CYFIP2: variants seen among roughly 807,000 people sequenced by gnomAD.
CYFIP2 encodes the protein cytoplasmic FMR1-interacting protein 2.
CYFIP2 carries 29 observed loss-of-function variants against 158.7 expected under a neutral mutation model. The observed-to-expected ratio is 0.18, with a 90% CI of 0.14 to 0.25. The LOEUF is 0.25. CYFIP2 is among the 10% of genes least tolerant of loss of function. The pLI is 1.00. For synonymous variants in CYFIP2, 585 were observed against 617.6 expected (o/e 0.95, Z 0.78); for missense variants, 852 against 1,639.5 (o/e 0.52, Z 8.29).
At chr5:157,309,638 C>A in intron 9 of CYFIP2, 105 bp from the exon 10 acceptor site, 1 of 1,010,814 alleles carries the variant, frequency 9.9e-7, no homozygotes, top group Non-Finnish European at 1.5e-6. Flanking sequence ...AGGGGTCGGC[C>A]CCCAGGCACA....
At position 157,328,002 on chromosome 5, in the gene CYFIP2, C is replaced by T. The variant is rs1761162045; in HGVS notation, c.2109C>T (p.Tyr703=). 1 of 1,613,994 alleles carries T rather than the reference C, an allele frequency of 6.2e-7. No individual in the cohort carries two copies. Among genetic ancestry groups the T allele is most frequent in the African/African-American group, 1.3e-5 (1 of 75,056 alleles). ...ACCTGTGTTTTGATCAGTTTGTCTA[C>T]AAGCTGGCAGACCAGATCTTTGCTT... ...EVNLCFDQFV[Y]KLADQIFAYY... Residue 703 remains tyrosine, a synonymous_variant, in exon 19 of 31, where the codon TAC becomes TAT. Transcript: ENST00000620254.
In CYFIP2 at chr5:157,365,375, G is replaced by C. The variant is rs367773410; in HGVS notation, c.3039+3777G>C. 3.7e-4 allele frequency: 56 copies of C among 152,232 alleles called. No individual in the cohort carries two copies. The East Asian group carries it at 0.01, about 28-fold the overall frequency. The allele number at this position is 152,232 out of a possible 1,614,324, so 9.4% of individuals were successfully genotyped here. A position where few individuals can be genotyped will look rare whatever the true frequency, so the allele number is the denominator to read the frequency against. On this transcript the variant is annotated intron_variant, in intron 26 of 30. Transcript: ENST00000620254. ...AAAACAGATTAATATATCATTGATA[G>C]GTAGAGGGATATAAATTTAACAGTT...
intron 1 of CYFIP2, chr5:157,277,271 T>C (rs2113821697): frequency 6.6e-6 from 1 of 152,492 alleles, no homozygotes; most frequent in East Asian, 1.9e-4. Context: ...CCTCAGGAGA[T>C]CCGCCCATCT....
At chr5:157,279,447 A>C (rs932226195) in intron 1 of CYFIP2, among the ~76,000 whole-genome samples, 2 of 152,226 alleles carry the variant, frequency 1.3e-5, no homozygotes, top group African/African-American at 4.8e-5. Context: ...TAAGCTGTAA[A>C]TGTCAGAACC....
At chr5:157,345,933 C>A (rs891634122) in intron 23 of CYFIP2, among the ~76,000 whole-genome samples, 27 of 152,322 alleles carry the variant, frequency 1.8e-4, no homozygotes, top group African/African-American at 6.0e-4. Context: ...CCATCTAGAT[C>A]CTCTTTGGCC....
chr5:157,348,612 A>G (rs10065711), intron 23 of CYFIP2, among the ~76,000 whole-genome samples: 87 of 152,236 alleles, frequency 5.7e-4, no homozygotes, highest in African/African-American at 1.9e-3. Flanking sequence ...GAGTTTCACC[A>G]TGTTGGCCAG....
At chr5:157,276,284 T>C (rs1470170201) in intron 1 of CYFIP2, among the ~76,000 whole-genome samples, 1 of 152,224 alleles carries the variant, frequency 6.6e-6, no homozygotes, top group African/African-American at 2.4e-5. Context: ...TGGCCACTTA[T>C]TGTCAAGTTG....
At chr5:157,356,979 T>C (rs1763453481) in intron 23 of CYFIP2, among the ~76,000 whole-genome samples, 1 of 152,232 alleles carries the variant, frequency 6.6e-6, no homozygotes, top group South Asian at 2.1e-4. Context: ...TTTATCCCTA[T>C]GTAAGCTATT....
At chr5:157,304,156 C>T (rs1488158900) in intron 7 of CYFIP2, 82 bp from the exon 8 acceptor site, 1 of 1,499,714 alleles carries the variant, frequency 6.7e-7, no homozygotes, top group Non-Finnish European at 9.0e-7. Context: ...CCACACCGGC[C>T]AGCTGTAGGG....
At chr5:157,304,098 A>T in intron 7 of CYFIP2, 140 bp from the exon 8 acceptor site, 2 of 1,076,908 alleles carry the variant, frequency 1.9e-6, no homozygotes, top group Non-Finnish European at 2.6e-6. Flanking sequence ...GCCAGCTGGC[A>T]TGCAGCCTCG....
chr5:157,293,160 A>G (rs1174856878), intron 3 of CYFIP2, among the ~76,000 whole-genome samples: 1 of 152,052 alleles, frequency 6.6e-6, no homozygotes, highest in East Asian at 1.9e-4. Context: ...AGTTCATGCA[A>G]TTCTCCTGCC....
chr5:157,327,819 C>T, intron 18 of CYFIP2, 154 bp from the exon 19 acceptor site: 1 of 666,460 alleles, frequency 1.5e-6, no homozygotes, highest in South Asian at 1.9e-5. Flanking sequence ...ACCAAATCTC[C>T]CAAACTTAGC....
Position 157,361,565 on chromosome 5 carries a change from C to T in CYFIP2, c.3006C>T (p.Ala1002=), listed in dbSNP as rs150652041. The part of the protein sequence containing the change: ...VFQSLREVGN[A]ILFCLLIEQA... The stretch of plus-strand genomic sequence containing the variant: ...AGAGCCTGAGGGAAGTGGGCAATGC[C>T]ATCCTCTTCTGCCTCCTCATAGAGC... Residue 1002 remains alanine (A), a synonymous_variant, in exon 26 of 31, where the codon GCC becomes GCT. Transcript: ENST00000620254. This position sits in a 1 kb window ranked among gnomAD's most constrained non-coding sequence, Gnocchi z 4.4. The T allele has an allele frequency of 3.2e-4, 518 of 1,614,022 alleles. 1 individual carries two copies. The African/African-American group carries it at 5.3e-3, about 17-fold the overall frequency.
intron 3 of CYFIP2, among the ~76,000 whole-genome samples, chr5:157,293,835 C>G (rs1758032542): frequency 6.6e-6 from 1 of 151,946 alleles, no homozygotes; most frequent in Non-Finnish European, 1.5e-5. Flanking sequence ...GGAGGTTAGA[C>G]TTTTTCCAGG....
chr5:157,392,621 T>C (rs550036740), intron 30 of CYFIP2, among the ~76,000 whole-genome samples: 48 of 152,344 alleles, frequency 3.2e-4, no homozygotes, highest in African/African-American at 1.1e-3. Context: ...TTGATTATTG[T>C]AGCTCTGTAG....
intron 26 of CYFIP2, chr5:157,380,281 A>C (rs1163710001): frequency 6.6e-6 from 1 of 152,242 alleles, no homozygotes; most frequent in Non-Finnish European, 1.5e-5. Flanking sequence ...TCTTGTAGCT[A>C]ATTTGTTAGT....
chr5:157,356,835 A>G (rs1763445325), intron 23 of CYFIP2, among the ~76,000 whole-genome samples: 1 of 152,144 alleles, frequency 6.6e-6, no homozygotes, highest in Non-Finnish European at 1.5e-5. Flanking sequence ...AGGCACTCAA[A>G]TAGATTTGTT....
rs533211031 is a variant in CYFIP2 at position 157,311,092 on chromosome 5, C to T, written c.993-572C>T. On this transcript the variant is annotated intron_variant, in intron 10 of 30. Coordinates refer to ENST00000620254, the MANE Select transcript of CYFIP2 (RefSeq NM_001037333.3). The surrounding 1 kb of genome is among the most constrained non-coding windows in gnomAD (Gnocchi z 4.7). The stretch of plus-strand genomic sequence containing the variant: ...GTGGAAAGAGAAGGAGAGAAGGGGG[C>T]GAGAGGTAGAGGGGGTGGGTGGAGG... The T allele has an allele frequency of 2.0e-4, 58 of 295,678 alleles. No homozygotes were observed. The highest frequency in any genetic ancestry group is 1.4e-3 in the Admixed American group (42 of 29,178). 18.3% of individuals were successfully genotyped at this position (295,678 alleles called of 1,614,324 possible). A position where few individuals can be genotyped will look rare whatever the true frequency, so the allele number is the denominator to read the frequency against.
At chr5:157,310,999 A>C (rs1351644871) in intron 10 of CYFIP2, 2 of 455,570 alleles carry the variant, frequency 4.4e-6, no homozygotes, top group East Asian at 1.4e-4. Flanking sequence ...TCTCTGACTT[A>C]GGATGGTTTT....
Sources: gnomAD v4.1 joint callset for allele counts (sites outside exome capture counted in the v4.1 genomes callset) on GRCh38, gnomAD v4.1.1 for gene constraint, Gnocchi (gnomAD v3.1) non-coding constraint, MANE v1.5 for transcripts, NCBI Gene and HGNC (gene_info 2026-07-23, HGNC 2026-07-21) for gene names.